Variants in MFN1 observed in about 807,000 individuals in gnomAD.
MFN1 encodes mitofusin-1.
Under a neutral mutation model 92.4 loss-of-function variants are expected in MFN1, and 65 were observed. That is an observed-to-expected ratio of 0.70 (90% CI 0.58 to 0.86). The LOEUF (loss-of-function observed/expected upper bound fraction) is 0.86. Among genes scored for constraint, MFN1 ranks in the 40% least tolerant of loss-of-function variants. MFN1 has a pLI of 0.00. For missense variants in MFN1, 781 were observed against 868.0 expected (o/e 0.90, Z 1.26); for synonymous variants, 297 against 300.9 (o/e 0.99, Z 0.13).
At chr3:179,370,690 G>A (rs76748321) in intron 9 of MFN1, among the ~76,000 whole-genome samples, 1 of 151,974 alleles carries the variant, frequency 6.6e-6, no homozygotes, top group Non-Finnish European at 1.5e-5. Flanking sequence ...GACTACAGGC[G>A]TGAGCCACCG....
chr3:179,385,101 G>A (rs1438961336), intron 14 of MFN1, among the ~76,000 whole-genome samples: 1 of 150,816 alleles, frequency 6.6e-6, no homozygotes, highest in African/African-American at 2.4e-5. Context: ...TTTTATTAGA[G>A]ACAGGGTTTC....
At chr3:179,385,342 T>C (rs1713637380) in intron 14 of MFN1, among the ~76,000 whole-genome samples, 1 of 152,018 alleles carries the variant, frequency 6.6e-6, no homozygotes, top group Non-Finnish European at 1.5e-5. Flanking sequence ...CTGTTACATT[T>C]AGACCCCATT....
chr3:179,351,754 G>T, intron 2 of MFN1, 146 bp from the exon 3 acceptor site: 1 of 634,262 alleles, frequency 1.6e-6, no homozygotes, highest in Non-Finnish European at 2.5e-6. Flanking sequence ...CCATTGCCAC[G>T]GAGTATGCAC....
At chr3:179,373,156 A>G (rs1042684687) in intron 9 of MFN1, among the ~76,000 whole-genome samples, 3 of 152,228 alleles carry the variant, frequency 2.0e-5, no homozygotes, top group Admixed American at 6.5e-5. Flanking sequence ...GACTAAATTA[A>G]TTACCCTCAT....
chr3:179,361,421 A>G (rs147472041), intron 4 of MFN1, among the ~76,000 whole-genome samples: 49 of 152,292 alleles, frequency 3.2e-4, no homozygotes, highest in Non-Finnish European at 3.4e-4. Context: ...CAAATAGTGA[A>G]TGTAGCATTC....
intron 12 of MFN1, 124 bp from the exon 13 acceptor site, chr3:179,378,217 T>TC: frequency 1.6e-6 from 1 of 618,222 alleles, no homozygotes; most frequent in Non-Finnish European, 2.6e-6. Context: ...AGACCCTGTC[T>TC]CAAAAAAAAA....
rs149864152 is a variant in MFN1 at position 179,375,223 on chromosome 3, T to C, written c.979T>C (p.Cys327Arg). ...TTACGGCTTGGGCCCCTCGCAGGAG[T>C]GTATCTCGCAGTCAGCAGTGAAAAC... ...FQNFEQIFEE[C>R]ISQSAVKTKF... is the part of the protein sequence containing the mutation. The change falls in exon 10 of 18, where the codon TGT becomes CGT. Residue 327 changes from cysteine (C) to arginine (R), a missense_variant. Cys to Arg is a radical substitution (Grantham distance 180). Coordinates refer to ENST00000471841, the MANE Select transcript of MFN1 (RefSeq NM_033540.3). 6.5e-4 allele frequency: 1,045 copies of C among 1,606,000 alleles called. 1 individual carries two copies. The highest frequency in any genetic ancestry group is 8.3e-4 in the Non-Finnish European group (976 of 1,176,632).
At chr3:179,382,556 C>G (rs34744) in intron 14 of MFN1, among the ~76,000 whole-genome samples, 2 of 152,066 alleles carry the variant, frequency 1.3e-5, no homozygotes, top group African/African-American at 2.4e-5. Flanking sequence ...CTTTATAGCA[C>G]CATGATTTAT....
At chr3:179,349,008 A>G in intron 2 of MFN1, 45 bp downstream of exon 2, 1 of 1,485,052 alleles carries the variant, frequency 6.7e-7, no homozygotes, top group Non-Finnish European at 9.2e-7. Flanking sequence ...TTGAAAATAT[A>G]TAAAAGTGCT....
rs943794479 is a variant in MFN1, at chr3:179,362,459, A to T, written c.513A>T (p.Arg171Ser). The change falls in exon 5 of 18, where the codon AGA (arginine) becomes AGT (serine). Residue 171 changes from arginine to serine, a missense_variant. By Grantham distance (110) the Arg-to-Ser change is moderately radical. Transcript: ENST00000471841. ...CAAAAGCAAAATGTGCCCTCTTGAG[A>T]GATGACCTGGTGTTAGTAGACAGGT... is the stretch of plus-strand genomic sequence containing the variant. Reference protein sequence around the residue: ...FWPKAKCALLRDDLVLVDSPG... With the variant: ...FWPKAKCALLSDDLVLVDSPG... 1 of 1,613,422 alleles carries T rather than the reference A, an allele frequency of 6.2e-7. No homozygotes were observed. Among genetic ancestry groups the T allele is most frequent in the African/African-American group, 1.3e-5 (1 of 74,996 alleles).
At chr3:179,361,693 T>C (rs1037185534) in intron 4 of MFN1, among the ~76,000 whole-genome samples, 3 of 152,106 alleles carry the variant, frequency 2.0e-5, no homozygotes, top group Admixed American at 1.3e-4. Flanking sequence ...CGTGCCACCA[T>C]GCCCAGCTAA....
At chr3:179,355,007 G>A (rs986906983) in intron 3 of MFN1, among the ~76,000 whole-genome samples, 1 of 152,106 alleles carries the variant, frequency 6.6e-6, no homozygotes, top group Non-Finnish European at 1.5e-5. Flanking sequence ...ATGTTGGCCA[G>A]CCTGGTCTCG....
At chr3:179,354,729 T>C (rs546349308) in intron 3 of MFN1, among the ~76,000 whole-genome samples, 2 of 152,296 alleles carry the variant, frequency 1.3e-5, no homozygotes, top group East Asian at 3.9e-4. Context: ...AAAGGGTGGA[T>C]TATTCATGAG....
intron 5 of MFN1, 150 bp from the exon 6 acceptor site, chr3:179,364,147 C>G: frequency 1.8e-6 from 1 of 558,996 alleles, no homozygotes; most frequent in Non-Finnish European, 3.1e-6. Context: ...TGTCAAAGAT[C>G]ACTAAGTTAA....
chr3:179,348,655 T>C (rs1712015172), intron 1 of MFN1, 190 bp from the exon 2 acceptor site: 1 of 760,424 alleles, frequency 1.3e-6, no homozygotes, highest in Non-Finnish European at 1.8e-6. Context: ...TTCACTTATT[T>C]TAGTGAAATA....
chr3:179,363,309 C>G (rs1206946977), intron 5 of MFN1, among the ~76,000 whole-genome samples: 1 of 152,024 alleles, frequency 6.6e-6, no homozygotes, highest in East Asian at 1.9e-4. Context: ...TGGTCTCAAA[C>G]TCCTGGCTTC....
In MFN1 at chr3:179,385,716, G is replaced by A. The variant is rs1001385043; in HGVS notation, c.1810G>A (p.Gly604Arg). ...RTSMGIIIVG[G>R]VIWKTIGWKL... ...TTCTATGGGCATCATTATTGTTGGA[G>A]GAGTGGTAAGAAACATTACTTTTAG... Residue 604 changes from glycine (G) to arginine (R), a missense_variant, in exon 15 of 18, where the codon GGA (glycine) becomes AGA (arginine). Coordinates refer to ENST00000471841, the MANE Select transcript of MFN1 (RefSeq NM_033540.3). 6 of 1,612,382 alleles carry A rather than the reference G, an allele frequency of 3.7e-6. No homozygotes were observed. The East Asian group carries it at 1.1e-4, about 30-fold the overall frequency.
chr3:179,365,337 A>G, intron 7 of MFN1, 112 bp downstream of exon 7: 1 of 636,494 alleles, frequency 1.6e-6, no homozygotes, highest in Non-Finnish European at 2.5e-6. Flanking sequence ...TTCCATGAAA[A>G]GAAGATAGTT....
At chr3:179,363,874 AT>A (rs1267309794) in intron 5 of MFN1, among the ~76,000 whole-genome samples, 15 of 152,270 alleles carry the variant, frequency 9.9e-5, no homozygotes, top group Admixed American at 9.8e-4. Context: ...ATATATACCC[AT>A]AAAAATTTTA....
Sources: gnomAD v4.1 joint callset for allele counts (sites outside exome capture counted in the v4.1 genomes callset) on GRCh38, gnomAD v4.1.1 for gene constraint, MANE v1.5 for transcripts, NCBI Gene and HGNC (gene_info 2026-07-23, HGNC 2026-07-21) for gene names.